The following POLI variants were observed in gnomAD, a reference collection of about 807,000 sequenced individuals.
POLI encodes RAD30 homolog B.
A neutral mutation model predicts 51.6 loss-of-function variants in POLI; 58 were observed. The observed-to-expected ratio is 1.12, with a 90% CI of 0.91 to 1.40. The LOEUF (loss-of-function observed/expected upper bound fraction) is 1.40. Among genes scored for constraint, POLI ranks in the 40% most tolerant of loss-of-function variants. The pLI, the probability that POLI is intolerant of heterozygous loss-of-function variation, is 0.00. For synonymous variants in POLI, 322 were observed against 299.7 expected (o/e 1.07, Z -0.77); for missense variants, 921 against 871.3 (o/e 1.06, Z -0.72).
chr18:54,303,900 T>C (rs2088534593), intron 3 of POLI, among the ~76,000 whole-genome samples: 1 of 152,068 alleles, frequency 6.6e-6, no homozygotes, highest in Admixed American at 6.6e-5. Flanking sequence ...CTCCTAATGC[T>C]ATCCCTCCCC....
At chr18:54,292,801 T>A (rs1290549856) in intron 9 of POLI, among the ~76,000 whole-genome samples, 1 of 152,094 alleles carries the variant, frequency 6.6e-6, no homozygotes, top group Non-Finnish European at 1.5e-5. Flanking sequence ...CAAATTACTT[T>A]TTTCTGTGAC....
chr18:54,269,749 G>A lies in POLI; in HGVS notation c.115+88G>A, dbSNP rs582474. The A allele has an allele frequency of 5.0e-6, 7 of 1,404,110 alleles. No homozygotes were observed. The South Asian group carries it at 9.2e-5, about 18-fold the overall frequency. The allele number at this position is 1,404,110 out of a possible 1,614,324, so 87.0% of individuals were successfully genotyped here. On this transcript the variant is annotated intron_variant, in intron 1 of 9. Coordinates refer to ENST00000579534, the MANE Select transcript of POLI (RefSeq NM_007195.3). ...GGACGCTCGGGGCGGCGGCCACTGG[G>A]GCGCGACCGTCCCCGCCCCACTCGG...
intron 3 of POLI, among the ~76,000 whole-genome samples, chr18:54,306,333 CAT>C (rs1184668892): frequency 6.6e-6 from 1 of 152,078 alleles, no homozygotes; most frequent in Non-Finnish European, 1.5e-5. Context: ...TTGAGATAAT[CAT>C]GTGGTTTTTG....
rs934184524 is a variant in POLI at position 54,295,689 on chromosome 18, G to T, written c.*1222G>T. 7.7e-6 allele frequency: 2 copies of T among 259,302 alleles called. No individual in the cohort carries two copies. The allele number at this position is 259,302 out of a possible 1,614,324, so 16.1% of individuals were successfully genotyped here. On this transcript the variant is annotated 3_prime_UTR_variant, in exon 10 of 10. Transcript: ENST00000579534. ...GTCGCCCAGGGTGGAGTACAGTGGC[G>T]CAATCCCAGCTCACTACAACCTCCG...
rs544703336 is a variant in POLI at position 54,269,828 on chromosome 18, C to G, written c.115+167C>G. ...GCCTTGTGTTACGCGGCGGGTACCT[C>G]TAGAGGAATGGCTTCACCCAGCAGG... On this transcript the variant is annotated intron_variant, in intron 1 of 9. Transcript: ENST00000579534. The G allele has an allele frequency of 7.4e-6, 10 of 1,354,240 alleles. No individual in the cohort carries two copies. The South Asian group carries it at 1.7e-4, about 22-fold the overall frequency. 83.9% of individuals were successfully genotyped at this position (1,354,240 alleles called of 1,614,324 possible).
At position 54,296,331 on chromosome 18, in the gene POLI, T is replaced by C; in HGVS notation, c.*1864T>C. 1 of 985,268 alleles carries C rather than the reference T, an allele frequency of 1.0e-6. No individual in the cohort carries two copies. Among genetic ancestry groups the C allele is most frequent in the Non-Finnish European group, 1.2e-6 (1 of 829,764 alleles). 61.0% of individuals were successfully genotyped at this position (985,268 alleles called of 1,614,324 possible). A position where few individuals can be genotyped will look rare whatever the true frequency, so the allele number is the denominator to read the frequency against. ...ATAGATTGAGAATGTACGGGCTATG[T>C]CACAGTTACGCTACTTATTTTGTGG... On this transcript the variant is annotated 3_prime_UTR_variant, in exon 10 of 10. Transcript: ENST00000579534.
In POLI at chr18:54,291,816, T is replaced by C. The variant is rs751819312; in HGVS notation, c.1199-17T>C. 6 of 1,217,310 alleles carry C rather than the reference T, an allele frequency of 4.9e-6. No homozygotes were observed. The African/African-American group carries it at 7.5e-5, about 15-fold the overall frequency. The allele number at this position is 1,217,310 out of a possible 1,614,324, so 75.4% of individuals were successfully genotyped here. A position where few individuals can be genotyped will look rare whatever the true frequency, so the allele number is the denominator to read the frequency against. On this transcript the variant is annotated splice_polypyrimidine_tract_variant and intron_variant, in intron 8 of 9. Transcript: ENST00000579534. Reference sequence around the variant, plus strand: ...TTAATATTAATTATAATGTTTATTCTTAAACATTTTATTTAGGAAATTATG... The same window carrying C: ...TTAATATTAATTATAATGTTTATTCCTAAACATTTTATTTAGGAAATTATG...
Position 54,297,381 on chromosome 18 carries a change from G to T in POLI, c.*2914G>T. On this transcript the variant is annotated 3_prime_UTR_variant, in exon 10 of 10. Transcript: ENST00000579534. The stretch of plus-strand genomic sequence containing the variant: ...CTCTCTTGAGTGTATAGTGTAGAGG[G>T]GGTTTCTGTCTTGAGTGTAGGCCTG... 1 of 983,522 alleles carries T rather than the reference G, an allele frequency of 1.0e-6. No individual in the cohort carries two copies. The highest frequency in any genetic ancestry group is 4.7e-5 in the South Asian group (1 of 21,224). 60.9% of individuals were successfully genotyped at this position (983,522 alleles called of 1,614,324 possible). A position where few individuals can be genotyped will look rare whatever the true frequency, so the allele number is the denominator to read the frequency against.
In POLI at chr18:54,294,757, T is replaced by G. The variant is rs1323400378; in HGVS notation, c.*290T>G. 3 of 1,004,508 alleles carry G rather than the reference T, an allele frequency of 3.0e-6. No individual in the cohort carries two copies. The highest frequency in any genetic ancestry group is 3.4e-5 in the African/African-American group (2 of 58,184). 62.2% of individuals were successfully genotyped at this position (1,004,508 alleles called of 1,614,324 possible). On this transcript the variant is annotated 3_prime_UTR_variant, in exon 10 of 10. Transcript: ENST00000579534. The stretch of plus-strand genomic sequence containing the variant: ...TATTTTTCATGAATTGGTGGGGAGA[T>G]GTATATGTTTATATATAAAAAATAG...
At chr18:54,308,979 C>A (rs556674384) in intron 3 of POLI, among the ~76,000 whole-genome samples, 1 of 152,254 alleles carries the variant, frequency 6.6e-6, no homozygotes, top group East Asian at 1.9e-4. Context: ...GTTAGCCATT[C>A]GTCTAATCTT....
intron 1 of POLI, 72 bp downstream of exon 1, chr18:54,269,733 G>T: frequency 7.1e-7 from 1 of 1,406,104 alleles, no homozygotes; most frequent in Non-Finnish European, 9.2e-7. Context: ...CGGACGCTCG[G>T]GGCGGCGGCC....
chr18:54,283,861 G>A, intron 6 of POLI, 61 bp from the exon 7 acceptor site: 1 of 638,526 alleles, frequency 1.6e-6, no homozygotes, highest in Non-Finnish European at 2.8e-6. Flanking sequence ...ACTGTACACT[G>A]ATAATAATTA....
chr18:54,317,689 C>A (rs2088752415), intron 3 of POLI, among the ~76,000 whole-genome samples: 1 of 151,964 alleles, frequency 6.6e-6, no homozygotes, highest in Non-Finnish European at 1.5e-5. Flanking sequence ...TACAGCAAGA[C>A]CCTGTCTTTA....
chr18:54,289,749 T>C (rs1322206984), intron 8 of POLI, among the ~76,000 whole-genome samples: 2 of 152,128 alleles, frequency 1.3e-5, no homozygotes, highest in Non-Finnish European at 1.5e-5. Flanking sequence ...ATATAATAAA[T>C]GGTGCTAGGA....
chr18:54,272,983 T>C (rs1338354950), intron 2 of POLI, among the ~76,000 whole-genome samples: 1 of 151,904 alleles, frequency 6.6e-6, no homozygotes, highest in Non-Finnish European at 1.5e-5. Flanking sequence ...GATATCAAAA[T>C]TTTAGAAACA....
Position 54,295,650 on chromosome 18 carries a change from CAG to C in POLI, c.*1186_*1187del. 2.1e-6 allele frequency: 1 copy of C among 484,436 alleles called. No homozygotes were observed. Among genetic ancestry groups the C allele is most frequent in the Non-Finnish European group, 2.7e-6 (1 of 373,072 alleles). The allele number at this position is 484,436 out of a possible 1,614,324, so 30.0% of individuals were successfully genotyped here. A position where few individuals can be genotyped will look rare whatever the true frequency, so the allele number is the denominator to read the frequency against. On this transcript the variant is annotated 3_prime_UTR_variant, in exon 10 of 10. Coordinates refer to ENST00000579534, the MANE Select transcript of POLI (RefSeq NM_007195.3). Reference sequence around the variant, plus strand: ...TTTCTTTCTTTTTTTGTTTTGGAGACAGAGTCTCACTCTGTCGCCCAGGGTGG... The same window carrying C: ...TTTCTTTCTTTTTTTGTTTTGGAGACAGTCTCACTCTGTCGCCCAGGGTGG...
chr18:54,292,550 C>T (rs930634870), intron 9 of POLI, among the ~76,000 whole-genome samples: 1 of 152,034 alleles, frequency 6.6e-6, no homozygotes, highest in Non-Finnish European at 1.5e-5. Context: ...AGGCAGAGGC[C>T]AGTCACATTT....
intron 8 of POLI, among the ~76,000 whole-genome samples, chr18:54,288,287 A>G (rs955937207): frequency 6.6e-6 from 1 of 152,186 alleles, no homozygotes; most frequent in Non-Finnish European, 1.5e-5. Flanking sequence ...ATATGTAAAA[A>G]TTCTTTGCCT....
chr18:54,282,437 T>C (rs2087545305), intron 5 of POLI, among the ~76,000 whole-genome samples: 2 of 152,164 alleles, frequency 1.3e-5, no homozygotes, highest in Admixed American at 1.3e-4. Context: ...AGTTTCACTT[T>C]TCACAGTTTC....
Sources: gnomAD v4.1 joint callset for allele counts (sites outside exome capture counted in the v4.1 genomes callset) on GRCh38, gnomAD v4.1.1 for gene constraint, MANE v1.5 for transcripts, NCBI Gene and HGNC (gene_info 2026-07-23, HGNC 2026-07-21) for gene names.